The following CSMD2 variants were observed in gnomAD, a reference collection of about 807,000 sequenced individuals.
CSMD2 encodes CUB and sushi domain-containing protein 2.
In CSMD2, 130 loss-of-function variants were observed where a neutral mutation model predicts 398.5. The ratio of observed to expected loss-of-function variants is 0.33; its 90% CI spans 0.28 to 0.38. The LOEUF is 0.38. Ranked by LOEUF, CSMD2 falls within the 10% of genes least tolerant of loss-of-function variation. The pLI is 1.00. For synonymous variants in CSMD2, 1,828 were observed against 1,908.5 expected (o/e 0.96, Z 1.10); for missense variants, 3,829 against 4,764.9 (o/e 0.80, Z 5.78).
intron 1 of CSMD2, among the ~76,000 whole-genome samples, chr1:34,093,092 C>G (rs1658833971): frequency 6.6e-6 from 1 of 152,164 alleles, no homozygotes; most frequent in African/African-American, 2.4e-5. Context: ...TCAAGTGGGT[C>G]CCTGACCCCT....
intron 1 of CSMD2, among the ~76,000 whole-genome samples, chr1:34,161,802 A>G (rs569904946): frequency 1.8e-4 from 28 of 152,208 alleles, no homozygotes; most frequent in Admixed American, 7.8e-4. Context: ...AGATAGGTCA[A>G]TAGGGCCAAG....
chr1:33,538,419 C>T (rs574935127), intron 60 of CSMD2, among the ~76,000 whole-genome samples: 2 of 152,310 alleles, frequency 1.3e-5, no homozygotes, highest in African/African-American at 4.8e-5. Flanking sequence ...GCAAAGCTCA[C>T]CACGATGTCA....
chr1:33,709,972 T>C (rs967407416), intron 21 of CSMD2, among the ~76,000 whole-genome samples: 11 of 152,196 alleles, frequency 7.2e-5, no homozygotes, highest in African/African-American at 2.7e-4. Context: ...CAACAGCTAA[T>C]GAAATCACAC....
intron 57 of CSMD2, among the ~76,000 whole-genome samples, chr1:33,543,114 G>GA (rs1201832005): frequency 6.6e-6 from 1 of 152,048 alleles, no homozygotes. Context: ...GTTTTTTACA[G>GA]AAAAAAGATG....
chr1:33,716,380 G>T lies in CSMD2; in HGVS notation c.3123C>A (p.Pro1041=). The T allele has an allele frequency of 6.2e-7, 1 of 1,614,128 alleles. No individual in the cohort carries two copies. Among genetic ancestry groups the T allele is most frequent in the Non-Finnish European group, 8.5e-7 (1 of 1,180,022 alleles). Residue 1041 remains proline, a synonymous_variant, in exon 20 of 71, where the codon CCC becomes CCA. Coordinates refer to ENST00000373381, the MANE Select transcript of CSMD2 (RefSeq NM_001281956.2). ...AGTTGCCATAGAGCCCAGCGCTGAT[G>T]GGAGCTGGCAGCCGAGATCCAGTTA... ...RQLTGSRLPA[P]ISAGLYGNFT... is the part of the protein sequence containing the mutation.
intron 5 of CSMD2, among the ~76,000 whole-genome samples, chr1:33,904,149 T>G (rs1378017365): frequency 6.6e-6 from 1 of 152,160 alleles, no homozygotes; most frequent in Non-Finnish European, 1.5e-5. Flanking sequence ...CATGATTTGA[T>G]TAATAAACCC....
At chr1:33,787,438 T>G (rs541362547) in intron 12 of CSMD2, among the ~76,000 whole-genome samples, 2 of 152,278 alleles carry the variant, frequency 1.3e-5, no homozygotes, top group Non-Finnish European at 2.9e-5. Context: ...GTCTCCCTAG[T>G]AGCCACCTAG....
chr1:33,626,227 G>T (rs992943792), intron 33 of CSMD2, among the ~76,000 whole-genome samples: 1 of 152,194 alleles, frequency 6.6e-6, no homozygotes, highest in African/African-American at 2.4e-5. Flanking sequence ...TGGGTGGAGT[G>T]GGGAAGGGGA....
intron 3 of CSMD2, among the ~76,000 whole-genome samples, chr1:33,958,825 C>G (rs1366857277): frequency 2.0e-5 from 3 of 152,194 alleles, no homozygotes; most frequent in African/African-American, 7.2e-5. Context: ...CCCATGGAAA[C>G]TGTGCGGTAG....
intron 10 of CSMD2, among the ~76,000 whole-genome samples, chr1:33,805,931 A>T (rs1409555361): frequency 1.3e-5 from 2 of 152,058 alleles, no homozygotes; most frequent in African/African-American, 2.4e-5. Flanking sequence ...AGACTACATT[A>T]GTGTAATAAG....
chr1:34,058,250 C>T (rs1247733989), intron 2 of CSMD2, among the ~76,000 whole-genome samples: 3 of 152,108 alleles, frequency 2.0e-5, no homozygotes, highest in Non-Finnish European at 2.9e-5. Context: ...GTCACTTCCC[C>T]TCTCTCATCC....
At chr1:33,679,097 G>A (rs1046808492) in intron 25 of CSMD2, among the ~76,000 whole-genome samples, 1 of 152,130 alleles carries the variant, frequency 6.6e-6, no homozygotes, top group Non-Finnish European at 1.5e-5. Context: ...TAGGTGTCAG[G>A]GATTCTGTGA....
intron 5 of CSMD2, among the ~76,000 whole-genome samples, chr1:33,848,124 A>G (rs911014573): frequency 1.2e-4 from 19 of 152,138 alleles, no homozygotes; most frequent in Non-Finnish European, 2.5e-4. Context: ...ATCCTATGTG[A>G]AACAGTCATT....
At chr1:33,682,442 G>A (rs764642356) in intron 25 of CSMD2, among the ~76,000 whole-genome samples, 1 of 152,136 alleles carries the variant, frequency 6.6e-6, no homozygotes, top group Admixed American at 6.5e-5. Flanking sequence ...TCAGGAAGCC[G>A]ATGAGAGCCA....
chr1:33,904,720 A>C (rs1642979288), intron 5 of CSMD2, among the ~76,000 whole-genome samples: 1 of 147,810 alleles, frequency 6.8e-6, no homozygotes, highest in African/African-American at 2.5e-5. Flanking sequence ...GCTGGAGTGC[A>C]GTGGCACGAT....
chr1:33,904,741 G>A (rs1642980981), intron 5 of CSMD2, among the ~76,000 whole-genome samples: 1 of 149,964 alleles, frequency 6.7e-6, no homozygotes, highest in African/African-American at 2.5e-5. Flanking sequence ...CTCACTGCAA[G>A]CTCCACCTCC....
chr1:33,935,092 G>A (rs1009288826), intron 4 of CSMD2, among the ~76,000 whole-genome samples: 18 of 151,656 alleles, frequency 1.2e-4, no homozygotes, highest in Admixed American at 1.3e-4. Context: ...AGAAGATTGT[G>A]TAAGGAATAG....
chr1:33,918,095 A>C lies in CSMD2; in HGVS notation c.919T>G (p.Trp307Gly). The C allele has an allele frequency of 6.2e-7, 1 of 1,613,408 alleles. No homozygotes were observed. Among genetic ancestry groups the C allele is most frequent in the Non-Finnish European group, 8.5e-7 (1 of 1,179,836 alleles). ...EVTGTEGSSL[W>G]FTGASLPAPV... ...AAAGGAAGGTGATGTTGTGCTTACCAGAGGGAGGAGCCTTCTGTCCCAGTG... is the reference window on the plus strand; with the variant it reads ...AAAGGAAGGTGATGTTGTGCTTACCCGAGGGAGGAGCCTTCTGTCCCAGTG... Residue 307 changes from tryptophan to glycine, a missense_variant and splice_region_variant, in exon 5 of 71, where the codon TGG becomes GGG. This residue lies in a region of CSMD2 where 2,001 missense variants were observed against 2,567.1 expected (regional missense o/e 0.78). Coordinates refer to ENST00000373381, the MANE Select transcript of CSMD2 (RefSeq NM_001281956.2).
chr1:33,932,362 A>G (rs1644339995), intron 4 of CSMD2, among the ~76,000 whole-genome samples: 1 of 152,152 alleles, frequency 6.6e-6, no homozygotes, highest in Non-Finnish European at 1.5e-5. Flanking sequence ...GAAGAGGCCG[A>G]GCTGGGCCCT....
Sources: gnomAD v4.1 joint callset for allele counts (sites outside exome capture counted in the v4.1 genomes callset) on GRCh38, gnomAD v4.1.1 for gene constraint, gnomAD v4.1.1 regional missense constraint, MANE v1.5 for transcripts, NCBI Gene and HGNC (gene_info 2026-07-23, HGNC 2026-07-21) for gene names.